Variants in ULK4 observed in about 807,000 individuals in gnomAD.
The protein encoded by ULK4 is unc-51 like kinase 4.
A neutral mutation model predicts 160.6 loss-of-function variants in ULK4; 133 were observed. That is an observed-to-expected ratio of 0.83 (90% CI 0.72 to 0.96). The LOEUF (loss-of-function observed/expected upper bound fraction) is 0.96. Ranked by LOEUF, ULK4 falls within the 40% of genes least tolerant of loss-of-function variation. ULK4 has a pLI of 0.00. For synonymous variants in ULK4, 534 were observed against 539.8 expected (o/e 0.99, Z 0.15); for missense variants, 1,580 against 1,499.5 (o/e 1.05, Z -0.89).
intron 31 of ULK4, among the ~76,000 whole-genome samples, chr3:41,587,321 T>C (rs1241166007): frequency 6.6e-6 from 1 of 152,226 alleles, no homozygotes; most frequent in Non-Finnish European, 1.5e-5. Flanking sequence ...GAAACTACTT[T>C]TCTTTTAAAA....
At chr3:41,809,165 C>CAAAAAAAAAACA in intron 19 of ULK4, among the ~76,000 whole-genome samples, 1 of 100,566 alleles carries the variant, frequency 9.9e-6, no homozygotes, top group Non-Finnish European at 1.9e-5. Flanking sequence ...GACTCCGTCT[C>CAAAAAAAAAACA]AAAAAAAAAA....
intron 4 of ULK4, among the ~76,000 whole-genome samples, chr3:41,933,428 G>A (rs762539081): frequency 6.6e-6 from 1 of 152,116 alleles, no homozygotes; most frequent in Non-Finnish European, 1.5e-5. Context: ...TTATGTTGTT[G>A]CACAATGGTA....
chr3:41,437,966 C>T (rs2083073350), intron 34 of ULK4, among the ~76,000 whole-genome samples: 1 of 151,974 alleles, frequency 6.6e-6, no homozygotes, highest in Non-Finnish European at 1.5e-5. Context: ...TGACTTGGTG[C>T]TCTGGGGATG....
At chr3:41,693,320 C>T (rs1054489477) in intron 27 of ULK4, among the ~76,000 whole-genome samples, 1 of 152,176 alleles carries the variant, frequency 6.6e-6, no homozygotes, top group Non-Finnish European at 1.5e-5. Context: ...AATCACTCTT[C>T]TAGCGATTAA....
intron 13 of ULK4, among the ~76,000 whole-genome samples, chr3:41,899,852 A>G (rs1698289190): frequency 6.6e-6 from 1 of 152,234 alleles, no homozygotes; most frequent in Admixed American, 6.5e-5. Context: ...TATGAAAAAT[A>G]GCTAAATAAT....
chr3:41,379,919 GT>G (rs1256636679), intron 35 of ULK4, among the ~76,000 whole-genome samples: 2 of 152,112 alleles, frequency 1.3e-5, no homozygotes, highest in South Asian at 4.1e-4. Context: ...TAATTCCCTA[GT>G]TCCCAGGAAG....
At position 41,696,861 on chromosome 3, in the gene ULK4, A is replaced by T. The variant is rs1396074486; in HGVS notation, c.2781+8196T>A. 2.2e-4 allele frequency among the ~76,000 whole-genome samples: 34 copies of T among 152,164 alleles called. 1 individual carries two copies. Among genetic ancestry groups the T allele is most frequent in the Admixed American group, 2.2e-3 (33 of 15,272 alleles). On this transcript the variant is annotated intron_variant, in intron 27 of 36. Transcript: ENST00000301831. ...AGAGAAGATGTAACAATAAAAGCAG[A>T]GGTTAGAGAAAGATTTGAAGATGCT...
At chr3:41,306,052 C>G (rs1335629244) in intron 35 of ULK4, among the ~76,000 whole-genome samples, 1 of 147,330 alleles carries the variant, frequency 6.8e-6, no homozygotes, top group Non-Finnish European at 1.5e-5. Context: ...AGTGAGGAGC[C>G]TCTCCGCCCA....
At chr3:41,906,288 G>A (rs1383650347) in intron 12 of ULK4, among the ~76,000 whole-genome samples, 1 of 150,748 alleles carries the variant, frequency 6.6e-6, no homozygotes, top group Non-Finnish European at 1.5e-5. Flanking sequence ...ACTCTGGGAG[G>A]CTGAGACAGG....
At chr3:41,865,221 C>T (rs964931237) in intron 17 of ULK4, among the ~76,000 whole-genome samples, 1 of 129,926 alleles carries the variant, frequency 7.7e-6, no homozygotes, top group African/African-American at 2.9e-5. Flanking sequence ...TGCAGTGAAC[C>T]GATCACGCCA....
At chr3:41,489,780 C>G (rs2084680435) in intron 32 of ULK4, among the ~76,000 whole-genome samples, 1 of 152,124 alleles carries the variant, frequency 6.6e-6, no homozygotes, top group Admixed American at 6.5e-5. Flanking sequence ...CCTCAGATGT[C>G]ACCTCCTACC....
intron 13 of ULK4, among the ~76,000 whole-genome samples, chr3:41,900,406 G>A (rs17283929): frequency 5.3e-5 from 8 of 152,068 alleles, no homozygotes; most frequent in African/African-American, 1.9e-4. Flanking sequence ...CAAAAGGACT[G>A]AGAGCTAAGG....
At chr3:41,946,652 C>T (rs531304328) in intron 2 of ULK4, among the ~76,000 whole-genome samples, 2 of 152,238 alleles carry the variant, frequency 1.3e-5, no homozygotes, top group South Asian at 4.1e-4. Flanking sequence ...GTGAAATTTT[C>T]CCTGGGGTTG....
chr3:41,906,874 T>C (rs1698583605), intron 12 of ULK4, among the ~76,000 whole-genome samples: 1 of 152,084 alleles, frequency 6.6e-6, no homozygotes, highest in Non-Finnish European at 1.5e-5. Context: ...ACGACTGTAG[T>C]CCCAGCGACT....
intron 32 of ULK4, among the ~76,000 whole-genome samples, chr3:41,493,020 G>A (rs959183265): frequency 3.9e-5 from 5 of 128,568 alleles, no homozygotes; most frequent in African/African-American, 1.4e-4. Context: ...ACAGATCAAT[G>A]AGACAGAAAG....
At chr3:41,441,603 T>TCACGATACCA (rs2083171532) in intron 34 of ULK4, among the ~76,000 whole-genome samples, 1 of 152,100 alleles carries the variant, frequency 6.6e-6, no homozygotes, top group Admixed American at 6.6e-5. Context: ...GAGGCTTGTT[T>TCACGATACCA]TATCGTGCAA....
intron 21 of ULK4, among the ~76,000 whole-genome samples, chr3:41,767,978 A>G (rs905875249): frequency 6.6e-6 from 1 of 152,204 alleles, no homozygotes; most frequent in Non-Finnish European, 1.5e-5. Context: ...GCTGCACAGC[A>G]GAAGGTGAGC....
intron 10 of ULK4, 23 bp downstream of exon 10, chr3:41,911,518 G>C (rs542143546): frequency 6.3e-7 from 1 of 1,599,498 alleles, no homozygotes; most frequent in East Asian, 2.2e-5. Flanking sequence ...TAAGTAGCAT[G>C]AATGTGCTCA....
intron 35 of ULK4, among the ~76,000 whole-genome samples, chr3:41,342,596 A>G (rs2080709653): frequency 6.6e-6 from 1 of 152,234 alleles, no homozygotes; most frequent in Non-Finnish European, 1.5e-5. Context: ...CCAGACGTAT[A>G]AGGAAGAGGT....
Sources: gnomAD v4.1 joint callset for allele counts (sites outside exome capture counted in the v4.1 genomes callset) on GRCh38, gnomAD v4.1.1 for gene constraint, MANE v1.5 for transcripts, NCBI Gene and HGNC (gene_info 2026-07-23, HGNC 2026-07-21) for gene names.